Variants in CSMD1 observed in about 807,000 individuals in gnomAD.
CSMD1 encodes CUB and sushi domain-containing protein 1.
Under a neutral mutation model 417.5 loss-of-function variants are expected in CSMD1, and 213 were observed. The ratio of observed to expected loss-of-function variants is 0.51; its 90% confidence interval spans 0.46 to 0.57. CSMD1 has a LOEUF of 0.57. CSMD1 is among the 20% of genes least tolerant of loss of function. CSMD1 has a pLI of 0.00. For synonymous variants in CSMD1, 2,862 were observed against 1,736.8 expected, an observed-to-expected ratio of 1.65 and a Z score of -16.11; for missense variants, 6,923 against 4,529.7, an observed-to-expected ratio of 1.53 and a Z score of -15.17.
At chr8:3,426,923 C>T (rs925942149) in intron 12 of CSMD1, among the ~76,000 whole-genome samples, 1 of 152,090 alleles carries the variant, frequency 6.6e-6, no homozygotes, top group African/African-American at 2.4e-5. Context: ...CTGGGGAGGC[C>T]TCAGGAAACT....
At chr8:3,779,467 TAAAAC>T (rs1266155340) in intron 5 of CSMD1, among the ~76,000 whole-genome samples, 1 of 152,174 alleles carries the variant, frequency 6.6e-6, no homozygotes, top group Admixed American at 6.5e-5. Flanking sequence ...TTAGACATCT[TAAAAC>T]AATCCTTTTA....
chr8:4,879,005 G>A (rs150773373), intron 1 of CSMD1, among the ~76,000 whole-genome samples: 1 of 151,950 alleles, frequency 6.6e-6, no homozygotes, highest in African/African-American at 2.4e-5. Flanking sequence ...ATGGGTGAGG[G>A]CAAGGGACAG....
chr8:4,047,149 G>T (rs3843921), intron 3 of CSMD1, among the ~76,000 whole-genome samples: 45,888 of 152,046 alleles, frequency 0.3, 7,579 homozygotes, highest in East Asian at 0.52. Flanking sequence ...AGCCTGCAAC[G>T]GTTCCGTGAG....
At chr8:3,746,175 G>A (rs1221562675) in intron 6 of CSMD1, among the ~76,000 whole-genome samples, 1 of 152,212 alleles carries the variant, frequency 6.6e-6, no homozygotes, top group Non-Finnish European at 1.5e-5. Context: ...GGGCTGATAC[G>A]CTGAAAAGAA....
chr8:2,945,804 C>A, intron 68 of CSMD1, among the ~76,000 whole-genome samples: 1 of 152,032 alleles, frequency 6.6e-6, no homozygotes, highest in Non-Finnish European at 1.5e-5. Context: ...CTGTTGCTGC[C>A]ACTACTACAA....
chr8:4,140,808 T>C (rs937162172), intron 3 of CSMD1, among the ~76,000 whole-genome samples: 3 of 151,112 alleles, frequency 2.0e-5, no homozygotes, highest in East Asian at 1.9e-4. Context: ...TCTAAGCGTG[T>C]AAATGGGCTC....
At chr8:4,127,317 T>G (rs7014978) in intron 3 of CSMD1, among the ~76,000 whole-genome samples, 4,263 of 151,984 alleles carry the variant, frequency 0.028, 210 homozygotes, top group African/African-American at 0.096. Context: ...TATTCTAGAC[T>G]TCTTTCTTTC....
At chr8:3,646,944 A>G (rs1333059612) in intron 7 of CSMD1, among the ~76,000 whole-genome samples, 1 of 152,130 alleles carries the variant, frequency 6.6e-6, no homozygotes, top group Non-Finnish European at 1.5e-5. Context: ...AACCTCAACA[A>G]TGATGCATCA....
chr8:3,427,678 C>G (rs1319326246), intron 12 of CSMD1, among the ~76,000 whole-genome samples: 1 of 152,134 alleles, frequency 6.6e-6, no homozygotes, highest in East Asian at 1.9e-4. Context: ...TGTTAACTCA[C>G]TTTATCCCTT....
chr8:3,635,353 A>C (rs1383259320), intron 7 of CSMD1, among the ~76,000 whole-genome samples: 2 of 152,068 alleles, frequency 1.3e-5, no homozygotes, highest in Non-Finnish European at 2.9e-5. Context: ...GCACACCTGT[A>C]ATCCCAGCTA....
At chr8:3,630,061 G>C (rs200559936) in intron 7 of CSMD1, among the ~76,000 whole-genome samples, 2 of 152,024 alleles carry the variant, frequency 1.3e-5, no homozygotes, top group Non-Finnish European at 2.9e-5. Context: ...CTACATTAGA[G>C]ATCAAAATCC....
At chr8:4,619,130 A>C (rs1801633854) in intron 2 of CSMD1, among the ~76,000 whole-genome samples, 1 of 152,152 alleles carries the variant, frequency 6.6e-6, no homozygotes, top group Non-Finnish European at 1.5e-5. Context: ...CTTTTGCCCT[A>C]GATTTAACTC....
chr8:3,464,388 C>G (rs1037253057), intron 12 of CSMD1, among the ~76,000 whole-genome samples: 7 of 152,000 alleles, frequency 4.6e-5, no homozygotes, highest in Non-Finnish European at 8.8e-5. Context: ...ATGAGGGAAC[C>G]CAACTTTCAA....
At position 4,405,385 on chromosome 8, in the gene CSMD1, T is replaced by G. The variant is rs1804938043; in HGVS notation, c.415+14568A>C. Among the ~76,000 whole-genome samples, 4 of 152,286 alleles carry G rather than the reference T, an allele frequency of 2.6e-5. No individual in the cohort carries two copies. In the South Asian group the frequency reaches 8.3e-4, roughly 32 times the overall value. On this transcript the variant is annotated intron_variant, in intron 3 of 69. Transcript: ENST00000635120. Reference sequence around the variant, plus strand: ...TGGTTTAGATTCTGGCACAAACTACTTGTTACCTGCGTGAACATAAGCGAG... The same window carrying G: ...TGGTTTAGATTCTGGCACAAACTACGTGTTACCTGCGTGAACATAAGCGAG...
chr8:4,360,323 G>A (rs1047652546), intron 3 of CSMD1, among the ~76,000 whole-genome samples: 8 of 152,146 alleles, frequency 5.3e-5, no homozygotes, highest in Non-Finnish European at 1.0e-4. Flanking sequence ...CATGGGAAGT[G>A]CAAATCCTCC....
chr8:3,909,184 G>A (rs1486779552), intron 5 of CSMD1, among the ~76,000 whole-genome samples: 2 of 152,204 alleles, frequency 1.3e-5, no homozygotes, highest in East Asian at 3.9e-4. Context: ...CTGTAGCTAA[G>A]ATTTGTGGAT....
intron 7 of CSMD1, among the ~76,000 whole-genome samples, chr8:3,659,706 A>C (rs1798313693): frequency 1.3e-5 from 2 of 152,080 alleles, no homozygotes; most frequent in South Asian, 4.1e-4. Flanking sequence ...AAACAAGCTC[A>C]AATCAGTTCT....
In CSMD1 at chr8:4,259,766, A is replaced by C. The variant is rs925634248; in HGVS notation, c.415+160187T>G. 3.3e-5 allele frequency among the ~76,000 whole-genome samples: 5 copies of C among 152,170 alleles called. No homozygotes were observed. In the South Asian group the frequency reaches 1.0e-3, roughly 31 times the overall value. On this transcript the variant is annotated intron_variant, in intron 3 of 69. Transcript: ENST00000635120. Reference sequence around the variant, plus strand: ...ATGTATTTCATAAACCCTAAGAAGAAGAGATTAAAAATTTAAAATATTCAT... The same window carrying C: ...ATGTATTTCATAAACCCTAAGAAGACGAGATTAAAAATTTAAAATATTCAT...
At chr8:3,857,687 C>T (rs566005105) in intron 5 of CSMD1, among the ~76,000 whole-genome samples, 1 of 152,146 alleles carries the variant, frequency 6.6e-6, no homozygotes, top group Non-Finnish European at 1.5e-5. Context: ...TTCTTAGATT[C>T]TTCATAATCT....
Sources: gnomAD v4.1 joint callset for allele counts (sites outside exome capture counted in the v4.1 genomes callset) on GRCh38, gnomAD v4.1.1 for gene constraint, MANE v1.5 for transcripts, NCBI Gene and HGNC (gene_info 2026-07-23, HGNC 2026-07-21) for gene names.